FMN1: variants seen among roughly 807,000 people sequenced by gnomAD.
FMN1 encodes formin-1.
Under a neutral mutation model 132.4 loss-of-function variants are expected in FMN1, and 110 were observed. The ratio of observed to expected loss-of-function variants is 0.83; its 90% CI spans 0.71 to 0.97. FMN1 has a LOEUF of 0.97. Ranked by LOEUF, FMN1 falls within the 50% of genes least tolerant of loss-of-function variation. The pLI, the probability that FMN1 is intolerant of heterozygous loss-of-function variation, is 0.00. For missense variants in FMN1, 1,792 were observed against 1,705.3 expected (o/e 1.05, Z -0.90); for synonymous variants, 722 against 651.7 (o/e 1.11, Z -1.64).
chr15:32,789,498 G>C (rs533871506), intron 19 of FMN1, among the ~76,000 whole-genome samples: 3 of 152,324 alleles, frequency 2.0e-5, no homozygotes, highest in East Asian at 3.9e-4. Context: ...GTCAAAGACA[G>C]ACCTCATATA....
chr15:32,960,040 G>T (rs1480942229), intron 9 of FMN1, among the ~76,000 whole-genome samples: 1 of 152,190 alleles, frequency 6.6e-6, no homozygotes, highest in Non-Finnish European at 1.5e-5. Context: ...CAAGTCTTCT[G>T]CTTCTATAGA....
At chr15:32,794,672 T>A (rs554183717) in intron 19 of FMN1, among the ~76,000 whole-genome samples, 1 of 152,222 alleles carries the variant, frequency 6.6e-6, no homozygotes, top group African/African-American at 2.4e-5. Flanking sequence ...ACTTGGATAA[T>A]CTATTGATTT....
chr15:32,952,223 C>T (rs2061669690), intron 9 of FMN1, among the ~76,000 whole-genome samples: 1 of 152,192 alleles, frequency 6.6e-6, no homozygotes, highest in Admixed American at 6.5e-5. Flanking sequence ...TCTCCAATGT[C>T]TTACTAAAGC....
At chr15:33,157,384 T>A (rs1031875145) in intron 3 of FMN1, among the ~76,000 whole-genome samples, 3 of 152,142 alleles carry the variant, frequency 2.0e-5, no homozygotes, top group Non-Finnish European at 2.9e-5. Flanking sequence ...ACTGAGCACA[T>A]ATACACTTAT....
intron 4 of FMN1, among the ~76,000 whole-genome samples, chr15:33,117,535 C>T (rs2039975101): frequency 6.6e-6 from 1 of 152,182 alleles, no homozygotes; most frequent in South Asian, 2.1e-4. Context: ...AAAATCTGAA[C>T]TACGGATTAA....
At chr15:33,038,328 G>C (rs181833542) in intron 6 of FMN1, among the ~76,000 whole-genome samples, 10 of 152,208 alleles carry the variant, frequency 6.6e-5, no homozygotes, top group African/African-American at 2.4e-4. Context: ...TGCATCTTCT[G>C]TGTTTAAAAA....
chr15:32,776,714 G>C, intron 20 of FMN1, 121 bp downstream of exon 20: 4 of 489,532 alleles, frequency 8.2e-6, no homozygotes, highest in East Asian at 3.3e-5. Context: ...TTAACCATAT[G>C]CTACTCTGGG....
At chr15:32,793,404 C>T (rs776963603) in intron 19 of FMN1, among the ~76,000 whole-genome samples, 21 of 152,002 alleles carry the variant, frequency 1.4e-4, no homozygotes, top group Admixed American at 1.4e-3. Flanking sequence ...CTCAGCCTCC[C>T]GAGTAGCTGG....
intron 7 of FMN1, among the ~76,000 whole-genome samples, chr15:32,990,526 G>C (rs1352633052): frequency 6.6e-6 from 1 of 152,118 alleles, no homozygotes; most frequent in Non-Finnish European, 1.5e-5. Context: ...TAAGAATTTT[G>C]CCAGTGAGAG....
chr15:33,167,599 C>A (rs1255333253), intron 3 of FMN1, among the ~76,000 whole-genome samples: 1 of 152,122 alleles, frequency 6.6e-6, no homozygotes, highest in Non-Finnish European at 1.5e-5. Flanking sequence ...CCTGCACAGT[C>A]AAAAATGTAT....
At chr15:33,131,349 A>AG (rs1299644170) in intron 4 of FMN1, among the ~76,000 whole-genome samples, 1 of 142,184 alleles carries the variant, frequency 7.0e-6, no homozygotes, top group African/African-American at 2.6e-5. Flanking sequence ...AAAAAAAAAA[A>AG]GCTGTATTAA....
At chr15:32,899,816 C>A (rs1425195903) in intron 14 of FMN1, 163 bp downstream of exon 14, 6 of 709,428 alleles carry the variant, frequency 8.5e-6, no homozygotes, top group African/African-American at 1.8e-5. Context: ...ACTCTTTATT[C>A]GAAAGTGAAA....
At chr15:33,130,587 G>A (rs907044557) in intron 4 of FMN1, among the ~76,000 whole-genome samples, 1 of 152,054 alleles carries the variant, frequency 6.6e-6, no homozygotes, top group African/African-American at 2.4e-5. Flanking sequence ...GTGATATAAG[G>A]CAATTTTGTT....
intron 3 of FMN1, among the ~76,000 whole-genome samples, chr15:33,165,120 C>G (rs17816976): frequency 0.043 from 6,583 of 152,282 alleles, 175 homozygotes; most frequent in Non-Finnish European, 0.06. Flanking sequence ...ACATTTAAGG[C>G]TTTACCAACA....
At chr15:32,889,320 T>A (rs1291615334) in intron 15 of FMN1, among the ~76,000 whole-genome samples, 1 of 152,178 alleles carries the variant, frequency 6.6e-6, no homozygotes, top group African/African-American at 2.4e-5. Flanking sequence ...TCTCCCTGAG[T>A]TGTTTAACGT....
chr15:33,141,617 G>A (rs943292847), intron 4 of FMN1, among the ~76,000 whole-genome samples: 41 of 152,182 alleles, frequency 2.7e-4, no homozygotes, highest in Admixed American at 7.2e-4. Flanking sequence ...AGGGAGCATG[G>A]AGACTGGGAT....
chr15:33,062,508 G>C (rs1217704127), intron 6 of FMN1, among the ~76,000 whole-genome samples: 13 of 152,164 alleles, frequency 8.5e-5, no homozygotes, highest in African/African-American at 3.1e-4. Flanking sequence ...TGTAGTCCCA[G>C]CTACTCGGGA....
chr15:32,796,435 G>A (rs950889491), intron 19 of FMN1, among the ~76,000 whole-genome samples: 4 of 152,092 alleles, frequency 2.6e-5, no homozygotes, highest in African/African-American at 4.8e-5. Flanking sequence ...ACATCATCAG[G>A]TTTTTATTTT....
chr15:33,083,907 A>T (rs983691145), intron 5 of FMN1, among the ~76,000 whole-genome samples: 19 of 152,174 alleles, frequency 1.2e-4, no homozygotes, highest in Non-Finnish European at 1.5e-5. Flanking sequence ...CTCACGGCTC[A>T]TTACATGCTA....
Sources: allele counts gnomAD v4.1 joint callset (sites outside exome capture counted in the v4.1 genomes callset), GRCh38; gene constraint gnomAD v4.1.1; transcripts MANE v1.5; gene names NCBI Gene and HGNC (gene_info 2026-07-23, HGNC 2026-07-21).